The following RNF213 variants were observed in gnomAD, a reference collection of about 807,000 sequenced individuals.
The protein encoded by RNF213 is E3 ubiquitin-protein ligase RNF213.
Under a neutral mutation model 514.4 loss-of-function variants are expected in RNF213, and 341 were observed. The observed-to-expected ratio is 0.66, with a 90% CI of 0.61 to 0.73. The LOEUF (loss-of-function observed/expected upper bound fraction) is 0.73, where lower values mean the gene tolerates loss of function less well. RNF213 is among the 30% of genes least tolerant of loss of function. RNF213 has a pLI of 0.00. For missense variants in RNF213, 5,767 were observed against 6,615.6 expected, an observed-to-expected ratio of 0.87 and a Z score of 4.45; for synonymous variants, 2,655 against 2,658.2, an observed-to-expected ratio of 1.00 and a Z score of 0.04.
At chr17:80,368,735 C>T (rs537964439) in intron 44 of RNF213, among the ~76,000 whole-genome samples, 3 of 152,310 alleles carry the variant, frequency 2.0e-5, no homozygotes, top group Admixed American at 6.5e-5. Context: ...ACCTGGCCGA[C>T]GCCACTGGTT....
At chr17:80,276,061 C>CTTTATTTA (rs541486971) in intron 3 of RNF213, among the ~76,000 whole-genome samples, 2 of 150,770 alleles carry the variant, frequency 1.3e-5, no homozygotes, top group African/African-American at 2.4e-5. Flanking sequence ...GGAACATAGA[C>CTTTATTTA]TTTATTTATT....
chr17:80,297,966 T>G (rs936276112), intron 10 of RNF213, among the ~76,000 whole-genome samples: 1 of 152,088 alleles, frequency 6.6e-6, no homozygotes, highest in Non-Finnish European at 1.5e-5. Context: ...AAAATAAATT[T>G]TACAAGTTGC....
intron 11 of RNF213, among the ~76,000 whole-genome samples, chr17:80,303,829 C>T (rs949730809): frequency 5.9e-5 from 9 of 151,618 alleles, no homozygotes; most frequent in African/African-American, 2.2e-4. Flanking sequence ...CTCAGCCTTC[C>T]AAAGTGCTGG....
At chr17:80,297,814 G>T (rs1040762737) in intron 10 of RNF213, among the ~76,000 whole-genome samples, 1 of 150,100 alleles carries the variant, frequency 6.7e-6, no homozygotes, top group African/African-American at 2.4e-5. Context: ...AATGTAGCTA[G>T]CTGGGTGTGG....
intron 50 of RNF213, 112 bp downstream of exon 50, chr17:80,374,701 C>G (rs1457599395): frequency 4.7e-6 from 6 of 1,277,134 alleles, no homozygotes; most frequent in Non-Finnish European, 5.5e-6. Flanking sequence ...TGCAGCCCAT[C>G]ACGTGACACT....
chr17:80,288,463 G>T lies in RNF213; in HGVS notation c.810+100G>T. The T allele has an allele frequency of 6.3e-7, 1 of 1,591,418 alleles. No individual in the cohort carries two copies. On this transcript the variant is annotated intron_variant, in intron 4 of 67. Transcript: ENST00000582970. This position sits in a 1 kb window ranked among gnomAD's most constrained non-coding sequence, Gnocchi z 4.9. Reference sequence around the variant, plus strand: ...CGTTGCTTCCCTGCCGGGGGGAGGGGCGTCCTCTGGGCCCTGCTCCCTGGG... The same window carrying T: ...CGTTGCTTCCCTGCCGGGGGGAGGGTCGTCCTCTGGGCCCTGCTCCCTGGG...
At chr17:80,261,166 C>G (rs2145049015) in intron 1 of RNF213, among the ~76,000 whole-genome samples, 1 of 152,200 alleles carries the variant, frequency 6.6e-6, no homozygotes, top group Middle Eastern at 3.4e-3. Flanking sequence ...CGGCGACATC[C>G]CCGGAGCGCA....
intron 18 of RNF213, among the ~76,000 whole-genome samples, chr17:80,326,440 C>T (rs1256096951): frequency 6.6e-6 from 1 of 152,198 alleles, no homozygotes; most frequent in African/African-American, 2.4e-5. Flanking sequence ...GCTTTTGTTA[C>T]AGCTGAGAAG....
At chr17:80,290,301 G>A (rs1328493222) in intron 6 of RNF213, among the ~76,000 whole-genome samples, 1 of 152,232 alleles carries the variant, frequency 6.6e-6, no homozygotes, top group Non-Finnish European at 1.5e-5. Context: ...GTGTGTGCAT[G>A]TGGGTGTGTG....
Position 80,374,457 on chromosome 17 carries a change from G to A in RNF213, c.12943-1G>A. The A allele has an allele frequency of 6.2e-7, 1 of 1,614,136 alleles. No homozygotes were observed. The highest frequency in any genetic ancestry group is 8.5e-7 in the Non-Finnish European group (1 of 1,180,002). ...ACCCCCAACTAACCTCTGTATTCCA[G>A]GGGCTGCGGCAGGACCACCCAGGCC... On this transcript the variant is annotated splice_acceptor_variant, in intron 49 of 67. Transcript: ENST00000582970. LOFTEE classifies it high-confidence loss of function.
rs368324738 is a variant in RNF213 at position 80,376,174 on chromosome 17, C to T, written c.13186-127C>T. On this transcript the variant is annotated intron_variant, in intron 51 of 67. Coordinates refer to ENST00000582970, the MANE Select transcript of RNF213 (RefSeq NM_001256071.3). ...ATTCTCTTCTCTGAAAAATTTCCCC[C>T]TCAAATGGTGGTGATTTCTCCATAT... 4.3e-6 allele frequency: 5 copies of T among 1,168,774 alleles called. No individual in the cohort carries two copies. The East Asian group carries it at 7.1e-5, about 17-fold the overall frequency. 72.4% of individuals were successfully genotyped at this position (1,168,774 alleles called of 1,614,324 possible).
At position 80,263,899 on chromosome 17, in the gene RNF213, G is replaced by A. The variant is rs115784982; in HGVS notation, c.97+121G>A. 2,315 of 758,672 alleles carry A rather than the reference G, an allele frequency of 3.1e-3. 33 individuals are homozygous for A. In the African/African-American group the frequency reaches 0.036, roughly 12 times the overall value. The allele number at this position is 758,672 out of a possible 1,614,324, so 47.0% of individuals were successfully genotyped here. A position where few individuals can be genotyped will look rare whatever the true frequency, so the allele number is the denominator to read the frequency against. ...AGCTCAGGTGGGGCCGAGGTCCTCT[G>A]TGGCTACTGAGGCTCTGTGGCTCTG... On this transcript the variant is annotated intron_variant, in intron 2 of 67. Coordinates refer to ENST00000582970, the MANE Select transcript of RNF213 (RefSeq NM_001256071.3). This position sits in a 1 kb window ranked among gnomAD's most constrained non-coding sequence, Gnocchi z 4.9.
rs1051399999 is a variant in RNF213, at chr17:80,353,418, C to T, written c.10424-94C>T. The T allele has an allele frequency of 1.1e-5, 16 of 1,399,478 alleles. No homozygotes were observed. Among genetic ancestry groups the T allele is most frequent in the African/African-American group, 7.2e-5 (5 of 69,920 alleles). The allele number at this position is 1,399,478 out of a possible 1,614,324, so 86.7% of individuals were successfully genotyped here. A position where few individuals can be genotyped will look rare whatever the true frequency, so the allele number is the denominator to read the frequency against. On this transcript the variant is annotated intron_variant, in intron 33 of 67. Transcript: ENST00000582970. This position sits in a 1 kb window ranked among gnomAD's most constrained non-coding sequence, Gnocchi z 5.0. ...AGCAGGGGCCGGGGAAGCCTGCACTCGGAGGCTGAGCACACAGACTCCCAG... is the reference window on the plus strand; with the variant it reads ...AGCAGGGGCCGGGGAAGCCTGCACTTGGAGGCTGAGCACACAGACTCCCAG...
At position 80,377,450 on chromosome 17, in the gene RNF213, A is replaced by ACTT. The variant is rs397787282; in HGVS notation, c.13511-312_13511-311insCTT. 2.0e-5 allele frequency among the ~76,000 whole-genome samples: 3 copies of ACTT among 151,852 alleles called. No individual in the cohort carries two copies. The highest frequency in any genetic ancestry group is 6.6e-5 in the Admixed American group (1 of 15,242). On this transcript the variant is annotated intron_variant, in intron 53 of 67. Coordinates refer to ENST00000582970, the MANE Select transcript of RNF213 (RefSeq NM_001256071.3). This position sits in a 1 kb window ranked among gnomAD's most constrained non-coding sequence, Gnocchi z 4.1. ...ATATGCTCATGACAAAAAAAAAAAA[A>ACTT]TCAAGGAAAATAGAAAGGTCTAGAA... is the stretch of plus-strand genomic sequence containing the variant.
chr17:80,307,202 G>A lies in RNF213; in HGVS notation c.2501+1G>A. 6.2e-7 allele frequency: 1 copy of A among 1,613,780 alleles called. No individual in the cohort carries two copies. The highest frequency in any genetic ancestry group is 8.5e-7 in the Non-Finnish European group (1 of 1,179,824). On this transcript the variant is annotated splice_donor_variant, in intron 13 of 67. Transcript: ENST00000582970. LOFTEE classifies it high-confidence loss of function. ...GACTCCTGGACACTTACCGGGACAA[G>A]TAAGTGGAAAGCACGATGCAGTCTC...
At chr17:80,320,173 ATCC>A in intron 17 of RNF213, 1 of 248,474 alleles carries the variant, frequency 4.0e-6, no homozygotes, top group Non-Finnish European at 6.4e-6. Flanking sequence ...TTTAGCCATC[ATCC>A]TCCTCCCCTC....
Position 80,378,072 on chromosome 17 carries a change from G to A in RNF213, c.13545+276G>A, listed in dbSNP as rs546638783. On this transcript the variant is annotated intron_variant, in intron 54 of 67. Coordinates refer to ENST00000582970, the MANE Select transcript of RNF213 (RefSeq NM_001256071.3). ...GCAGTATGCCTGACCTCGAGTCCCT[G>A]GATGCCAGGAGCACCCACTCCTCCC... Among the ~76,000 whole-genome samples, 11 of 152,314 alleles carry A rather than the reference G, an allele frequency of 7.2e-5. No individual in the cohort carries two copies. In the South Asian group the frequency reaches 1.7e-3, roughly 23 times the overall value.
At position 80,371,990 on chromosome 17, in the gene RNF213, G is replaced by C; in HGVS notation, c.12537+5G>C. On this transcript the variant is annotated splice_donor_5th_base_variant and intron_variant, in intron 47 of 67. Coordinates refer to ENST00000582970, the MANE Select transcript of RNF213 (RefSeq NM_001256071.3). Reference sequence around the variant, plus strand: ...CTCTTCATCAACTGCCTGGAGGTAAGTGAACTCTCTCTTCCCTGAATTTCT... The same window carrying C: ...CTCTTCATCAACTGCCTGGAGGTAACTGAACTCTCTCTTCCCTGAATTTCT... The C allele has an allele frequency of 4.3e-6, 6 of 1,405,724 alleles. No individual in the cohort carries two copies. Among genetic ancestry groups the C allele is most frequent in the Non-Finnish European group, 6.1e-6 (6 of 989,918 alleles). 87.1% of individuals were successfully genotyped at this position (1,405,724 alleles called of 1,614,324 possible).
At chr17:80,289,952 C>T in intron 6 of RNF213, 115 bp downstream of exon 6, 8 of 1,192,040 alleles carry the variant, frequency 6.7e-6, no homozygotes, top group South Asian at 1.3e-5. Context: ...GCTGTTTTGG[C>T]AAGTTTAACT....
Sources: gnomAD v4.1 joint callset for allele counts (sites outside exome capture counted in the v4.1 genomes callset) on GRCh38, gnomAD v4.1.1 for gene constraint, Gnocchi (gnomAD v3.1) non-coding constraint, MANE v1.5 for transcripts, NCBI Gene and HGNC (gene_info 2026-07-23, HGNC 2026-07-21) for gene names.